The following ZNF184 variants were observed in gnomAD, a reference collection of about 807,000 sequenced individuals.
The protein encoded by ZNF184 is zinc finger protein 184 (Kruppel-like).
A neutral mutation model predicts 54.4 loss-of-function variants in ZNF184; 16 were observed. That is an observed-to-expected ratio of 0.29 (90% CI 0.20 to 0.45). ZNF184 has a LOEUF of 0.45. ZNF184 is among the 20% of genes least tolerant of loss of function. The probability of loss-of-function intolerance (pLI) is 1.00; values close to 1 mark genes in which losing one functional copy is unlikely to be tolerated. For synonymous variants in ZNF184, 254 were observed against 295.3 expected, an observed-to-expected ratio of 0.86 and a Z score of 1.43; for missense variants, 681 against 888.2, an observed-to-expected ratio of 0.77 and a Z score of 2.97.
the ZNF184 span, among the ~76,000 whole-genome samples, chr6:27,445,130 T>C: frequency 6.6e-6 from 1 of 152,170 alleles, no homozygotes; most frequent in Non-Finnish European, 1.5e-5. Context: ...TGAGTACACA[T>C]TACATCAAAA....
chr6:27,441,901 C>T, the ZNF184 span, among the ~76,000 whole-genome samples: 4 of 152,140 alleles, frequency 2.6e-5, no homozygotes, highest in Non-Finnish European at 5.9e-5. Context: ...ATTCTCTTTT[C>T]GTAGTCATAC....
At chr6:27,413,010 G>A in the ZNF184 span, among the ~76,000 whole-genome samples, 1 of 152,242 alleles carries the variant, frequency 6.6e-6, no homozygotes, top group Non-Finnish European at 1.5e-5. Context: ...GCCGAGGCAG[G>A]CAGATCACCT....
In ZNF184 at chr6:27,452,692, C is replaced by T. The variant is rs1461312532; in HGVS notation, c.867G>A (p.Glu289=). The T allele has an allele frequency of 6.2e-7, 1 of 1,614,030 alleles. No homozygotes were observed. The highest frequency in any genetic ancestry group is 8.5e-7 in the Non-Finnish European group (1 of 1,180,000). ...KCDQCGKGFI[E]GPSLTQHQRI... is the part of the protein sequence containing the mutation. ...TTTGATGTTGAGTAAGAGATGGACC[C>T]TCAATGAAGCCTTTTCCACACTGAT... The change falls in exon 6 of 6, where the codon GAG becomes GAA. Residue 289 remains glutamate, a synonymous_variant. Coordinates refer to ENST00000683788, the MANE Select transcript of ZNF184 (RefSeq NM_001318891.2). The surrounding 1 kb of genome is among the most constrained non-coding windows in gnomAD (Gnocchi z 5.5).
the ZNF184 span, among the ~76,000 whole-genome samples, chr6:27,439,404 G>A: frequency 2.6e-5 from 4 of 152,254 alleles, no homozygotes; most frequent in Non-Finnish European, 5.9e-5. Flanking sequence ...TCATCCCCCC[G>A]GGACATGAAT....
At chr6:27,442,721 CGGAA>C in the ZNF184 span, among the ~76,000 whole-genome samples, 36 of 101,804 alleles carry the variant, frequency 3.5e-4, 2 homozygotes, top group South Asian at 1.1e-3. Context: ...GAAAGAAGGA[CGGAA>C]GGAAGGAAGG....
chr6:27,451,512 T>G lies in ZNF184; in HGVS notation c.2047A>C (p.Thr683Pro). 1 of 1,614,000 alleles carries G rather than the reference T, an allele frequency of 6.2e-7. No homozygotes were observed. Among genetic ancestry groups the G allele is most frequent in the Non-Finnish European group, 8.5e-7 (1 of 1,179,984 alleles). The change falls in exon 6 of 6, where the codon ACT becomes CCT. Residue 683 changes from threonine to proline, a missense_variant. Transcript: ENST00000683788. ...NECDKAFSRS[T>P]HLTEHQNTHT... ...GTATTCTGATGTTCAGTCAGATGAGTGCTCCGGCTAAAGGCTTTGTCACAT... is the reference window on the plus strand; with the variant it reads ...GTATTCTGATGTTCAGTCAGATGAGGGCTCCGGCTAAAGGCTTTGTCACAT...
the ZNF184 span, among the ~76,000 whole-genome samples, chr6:27,439,251 A>T: frequency 6.6e-6 from 1 of 152,206 alleles, no homozygotes; most frequent in African/African-American, 2.4e-5. Flanking sequence ...CACTATCTGT[A>T]GTTTCCCTTT....
At chr6:27,408,455 C>G in the ZNF184 span, among the ~76,000 whole-genome samples, 1 of 152,152 alleles carries the variant, frequency 6.6e-6, no homozygotes, top group Non-Finnish European at 1.5e-5. Flanking sequence ...GGTCAGTATT[C>G]TCTAAAGTTC....
downstream of ZNF184, among the ~76,000 whole-genome samples, chr6:27,445,955 G>A (rs1762632238): frequency 6.6e-6 from 1 of 152,172 alleles, no homozygotes; most frequent in Non-Finnish European, 1.5e-5. Flanking sequence ...TCAGACTGCT[G>A]TGTGGCTGTT....
chr6:27,455,898 A>C (rs1440699119), intron 5 of ZNF184, among the ~76,000 whole-genome samples: 4 of 152,188 alleles, frequency 2.6e-5, no homozygotes, highest in Non-Finnish European at 4.4e-5. Context: ...TACTTCATGC[A>C]GTTTGGAAAC....
At chr6:27,442,721 C>CGGAAG in the ZNF184 span, among the ~76,000 whole-genome samples, 1 of 101,724 alleles carries the variant, frequency 9.8e-6, no homozygotes. Context: ...GAAAGAAGGA[C>CGGAAG]GGAAGGAAGG....
the ZNF184 span, chr6:27,407,722 C>A: frequency 4.0e-6 from 3 of 744,050 alleles, no homozygotes; most frequent in African/African-American, 1.7e-5. Context: ...ATGTACCTTA[C>A]AGAAGATGTC....
At chr6:27,431,999 G>A in the ZNF184 span, among the ~76,000 whole-genome samples, 1 of 152,210 alleles carries the variant, frequency 6.6e-6, no homozygotes, top group Non-Finnish European at 1.5e-5. Context: ...AGAGAAAGCA[G>A]GGAGAGGTTT....
At chr6:27,421,351 T>C in the ZNF184 span, among the ~76,000 whole-genome samples, 4 of 152,210 alleles carry the variant, frequency 2.6e-5, no homozygotes, top group African/African-American at 7.2e-5. Context: ...ATGGAACATA[T>C]CTATACCTTC....
At chr6:27,467,996 C>T in intron 2 of ZNF184, 76 bp from the exon 3 acceptor site, 1 of 1,197,784 alleles carries the variant, frequency 8.3e-7, no homozygotes. Flanking sequence ...TCCATTTACT[C>T]TTCTATTTGA....
At chr6:27,462,176 A>G (rs62403863) in intron 3 of ZNF184, among the ~76,000 whole-genome samples, 2,444 of 152,230 alleles carry the variant, frequency 0.016, 39 homozygotes, top group Non-Finnish European at 0.022. Context: ...CCAGTAACTT[A>G]ACTGCATCCC....
intron 3 of ZNF184, among the ~76,000 whole-genome samples, chr6:27,465,045 T>G (rs1231294157): frequency 5.5e-5 from 7 of 127,022 alleles, no homozygotes; most frequent in Admixed American, 4.6e-4. Flanking sequence ...AAATAGAGCT[T>G]CTATCATGTG....
chr6:27,410,785 G>T, the ZNF184 span, among the ~76,000 whole-genome samples: 2 of 152,170 alleles, frequency 1.3e-5, no homozygotes, highest in African/African-American at 2.4e-5. Flanking sequence ...ACCTGCCTTG[G>T]CCTCCCAAAT....
At chr6:27,427,985 T>C in the ZNF184 span, among the ~76,000 whole-genome samples, 75,571 of 152,064 alleles carry the variant, frequency 0.5, 19,724 homozygotes, top group Middle Eastern at 0.71. Flanking sequence ...TACCCACATA[T>C]TTAGTTGGTC....
Sources: allele counts gnomAD v4.1 joint callset (sites outside exome capture counted in the v4.1 genomes callset), GRCh38; gene constraint gnomAD v4.1.1; non-coding constraint Gnocchi (gnomAD v3.1); transcripts MANE v1.5; gene names NCBI Gene and HGNC (gene_info 2026-07-23, HGNC 2026-07-21).